PCDHGA3: variants seen among roughly 807,000 people sequenced by gnomAD.
PCDHGA3 encodes the protein protocadherin gamma subfamily A, 3, also known as protocadherin gamma-A3.
PCDHGA3 carries 40 observed loss-of-function variants against 58.5 expected under a neutral mutation model. The ratio of observed to expected loss-of-function variants is 0.68; its 90% confidence interval spans 0.53 to 0.89. The LOEUF is 0.89. PCDHGA3 is among the 40% of genes least tolerant of loss of function. PCDHGA3 has a pLI of 0.00. For missense variants in PCDHGA3, 1,223 were observed against 1,195.9 expected (o/e 1.02, Z -0.33); for synonymous variants, 530 against 525.7 (o/e 1.01, Z -0.11).
chr5:141,356,122 G>T (rs1760114897), intron 1 of PCDHGA3: 2 of 1,613,886 alleles, frequency 1.2e-6, no homozygotes, highest in Non-Finnish European at 1.7e-6. Flanking sequence ...GGGGGGTCTA[G>T]ATTATGAGGA....
intron 3 of PCDHGA3, among the ~76,000 whole-genome samples, chr5:141,509,781 T>TCATC (rs1198131164): frequency 6.6e-6 from 1 of 152,116 alleles, no homozygotes; most frequent in Non-Finnish European, 1.5e-5. Flanking sequence ...GTCCCCGAGA[T>TCATC]CATCATCTCC....
At chr5:141,433,257 G>A (rs764036349) in intron 1 of PCDHGA3, 4 of 1,385,412 alleles carry the variant, frequency 2.9e-6, no homozygotes, top group Non-Finnish European at 4.0e-6. Context: ...GCAGCGGTAC[G>A]ATCATAGCTC....
In PCDHGA3 at chr5:141,489,515, G is replaced by A. The variant is rs983415025; in HGVS notation, c.2425-5292G>A. On this transcript the variant is annotated intron_variant, in intron 1 of 3. Coordinates refer to ENST00000253812, the MANE Select transcript of PCDHGA3 (RefSeq NM_018916.4). The surrounding 1 kb of genome is among the most constrained non-coding windows in gnomAD (Gnocchi z 4.5). ...CTGGCAGTGAATCAAAAGATTGACC[G>A]AGAAAGCCTATGTGGAGCCAGCACC... 2 of 1,614,104 alleles carry A rather than the reference G, an allele frequency of 1.2e-6. No homozygotes were observed. Among genetic ancestry groups the A allele is most frequent in the Non-Finnish European group, 8.5e-7 (1 of 1,180,034 alleles).
intron 1 of PCDHGA3, chr5:141,383,358 G>C (rs773383689): frequency 8.7e-6 from 14 of 1,613,864 alleles, no homozygotes; most frequent in Middle Eastern, 1.6e-4. Context: ...TTCGGTTTCC[G>C]TTAAGCGAGG....
At chr5:141,482,943 G>T (rs2099574928) in intron 1 of PCDHGA3, among the ~76,000 whole-genome samples, 1 of 152,086 alleles carries the variant, frequency 6.6e-6, no homozygotes, top group Non-Finnish European at 1.5e-5. Context: ...TGTGGTTGTG[G>T]GTGCCTGTAA....
chr5:141,355,192 G>T, intron 1 of PCDHGA3: 1 of 1,592,970 alleles, frequency 6.3e-7, no homozygotes, highest in South Asian at 1.1e-5. Context: ...ACTCCGCGGC[G>T]GGGTTGTAAT....
Position 141,487,278 on chromosome 5 carries a change from T to G in PCDHGA3, c.2425-7529T>G. 6 of 1,614,180 alleles carry G rather than the reference T, an allele frequency of 3.7e-6. No individual in the cohort carries two copies. Among genetic ancestry groups the G allele is most frequent in the Non-Finnish European group, 5.1e-6 (6 of 1,180,040 alleles). On this transcript the variant is annotated intron_variant, in intron 1 of 3. Coordinates refer to ENST00000253812, the MANE Select transcript of PCDHGA3 (RefSeq NM_018916.4). The surrounding 1 kb of genome is among the most constrained non-coding windows in gnomAD (Gnocchi z 5.0). Reference sequence around the variant, plus strand: ...GCTGTGTCCCTAGTGGCAATTTGCTTTGTCTCCTTTGGCTCATTCGTGGCA... The same window carrying G: ...GCTGTGTCCCTAGTGGCAATTTGCTGTGTCTCCTTTGGCTCATTCGTGGCA...
At position 141,344,858 on chromosome 5, in the gene PCDHGA3, T is replaced by G; in HGVS notation, c.825T>G (p.Ala275=). ...NATDPDEGFN[A]QVSYILDKMP... Reference sequence around the variant, plus strand: ...CTGACCCTGACGAGGGATTCAATGCTCAAGTGTCTTATATTCTAGATAAAA... The same window carrying G: ...CTGACCCTGACGAGGGATTCAATGCGCAAGTGTCTTATATTCTAGATAAAA... The change falls in exon 1 of 4, where the codon GCT becomes GCG. Residue 275 remains alanine, a synonymous_variant. Coordinates refer to ENST00000253812, the MANE Select transcript of PCDHGA3 (RefSeq NM_018916.4). The G allele has an allele frequency of 6.2e-7, 1 of 1,613,958 alleles. No homozygotes were observed. The highest frequency in any genetic ancestry group is 8.5e-7 in the Non-Finnish European group (1 of 1,179,878).
Position 141,431,740 on chromosome 5 carries a change from T to C in PCDHGA3, c.2425-63067T>C. 6.2e-7 allele frequency: 1 copy of C among 1,614,230 alleles called. No individual in the cohort carries two copies. Among genetic ancestry groups the C allele is most frequent in the South Asian group, 1.1e-5 (1 of 91,088 alleles). On this transcript the variant is annotated intron_variant, in intron 1 of 3. Transcript: ENST00000253812. This position sits in a 1 kb window ranked among gnomAD's most constrained non-coding sequence, Gnocchi z 4.8. ...TGCAAGCAATGGATAATGCAGGATA[T>C]TCTGCGCGAGCCAAAGTCCTGATCA... is the stretch of plus-strand genomic sequence containing the variant.
chr5:141,376,252 C>G (rs756828511), intron 1 of PCDHGA3: 1 of 1,614,248 alleles, frequency 6.2e-7, no homozygotes, highest in Non-Finnish European at 8.5e-7. Context: ...ACAAGTCACG[C>G]CTGCTGCAGG....
chr5:141,476,055 GT>G lies in PCDHGA3; in HGVS notation c.2425-18749del. 6.7e-7 allele frequency: 1 copy of G among 1,503,516 alleles called. No homozygotes were observed. Among genetic ancestry groups the G allele is most frequent in the South Asian group, 1.3e-5 (1 of 75,386 alleles). The allele number at this position is 1,503,516 out of a possible 1,614,324, so 93.1% of individuals were successfully genotyped here. ...GCGCCCAAGCGCTAACCCGCTGAAA[GT>G]TTCTCAGCGAAATCTCAGGGACGAT... On this transcript the variant is annotated intron_variant, in intron 1 of 3. Transcript: ENST00000253812. The surrounding 1 kb of genome is among the most constrained non-coding windows in gnomAD (Gnocchi z 7.6).
In PCDHGA3 at chr5:141,356,944, G is replaced by T. The variant is rs368136545; in HGVS notation, c.2424+10487G>T. The stretch of plus-strand genomic sequence containing the variant: ...TGGTGTGGAGCTGGCACCCCGCTCC[G>T]CAGATTCCGGCTACCTGGTGACCAA... On this transcript the variant is annotated intron_variant, in intron 1 of 3. Coordinates refer to ENST00000253812, the MANE Select transcript of PCDHGA3 (RefSeq NM_018916.4). The T allele has an allele frequency of 1.1e-5, 17 of 1,614,090 alleles. No individual in the cohort carries two copies. In the African/African-American group the frequency reaches 2.3e-4, roughly 22 times the overall value.
In PCDHGA3 at chr5:141,357,565, G is replaced by A. The variant is rs766473131; in HGVS notation, c.2424+11108G>A. The A allele has an allele frequency of 1.1e-5, 17 of 1,614,184 alleles. No individual in the cohort carries two copies. In the Admixed American group the frequency reaches 2.5e-4, roughly 24 times the overall value. Reference sequence around the variant, plus strand: ...CAGCCGGGAGAGTTGTGAGAAAAGCGAGCCTCTTCTGATAACTCAGGATTT... The same window carrying A: ...CAGCCGGGAGAGTTGTGAGAAAAGCAAGCCTCTTCTGATAACTCAGGATTT... On this transcript the variant is annotated intron_variant, in intron 1 of 3. Transcript: ENST00000253812.
At position 141,487,636 on chromosome 5, in the gene PCDHGA3, A is replaced by G. The variant is rs780468230; in HGVS notation, c.2425-7171A>G. 3 of 1,614,192 alleles carry G rather than the reference A, an allele frequency of 1.9e-6. No homozygotes were observed. Among genetic ancestry groups the G allele is most frequent in the Non-Finnish European group, 1.7e-6 (2 of 1,180,030 alleles). Reference sequence around the variant, plus strand: ...TAGAGGTGAGACCTTTGCAGGCTCAACAAATGCTTGAGGGTTATTCTGATC... The same window carrying G: ...TAGAGGTGAGACCTTTGCAGGCTCAGCAAATGCTTGAGGGTTATTCTGATC... On this transcript the variant is annotated intron_variant, in intron 1 of 3. Transcript: ENST00000253812. This position sits in a 1 kb window ranked among gnomAD's most constrained non-coding sequence, Gnocchi z 5.0.
chr5:141,392,783 G>T, intron 1 of PCDHGA3: 1 of 1,542,922 alleles, frequency 6.5e-7, no homozygotes, highest in Admixed American at 2.1e-5. Flanking sequence ...GCACAGTGAA[G>T]ATTCTGAGAG....
intron 1 of PCDHGA3, chr5:141,374,052 T>C (rs1770060748): frequency 1.4e-6 from 2 of 1,478,038 alleles, no homozygotes; most frequent in Non-Finnish European, 9.0e-7. Flanking sequence ...CTTCCTCTTC[T>C]TAATCCCAGA....
intron 1 of PCDHGA3, chr5:141,403,552 G>A (rs1228068556): frequency 1.2e-6 from 2 of 1,613,892 alleles, no homozygotes; most frequent in African/African-American, 1.3e-5. Flanking sequence ...AGCGCGCCCT[G>A]GACAGGGAGG....
At chr5:141,504,452 T>C (rs1208972630) in intron 2 of PCDHGA3, among the ~76,000 whole-genome samples, 1 of 152,060 alleles carries the variant, frequency 6.6e-6, no homozygotes, top group Non-Finnish European at 1.5e-5. Flanking sequence ...TAGTGCCATG[T>C]GGGGCAGCCG....
intron 1 of PCDHGA3, chr5:141,362,779 T>G (rs1588580747): frequency 3.3e-6 from 2 of 601,870 alleles, no homozygotes; most frequent in East Asian, 5.9e-5. Flanking sequence ...TTGCACTGTA[T>G]TTCTTTTTCT....
Sources: gnomAD v4.1 joint callset for allele counts (sites outside exome capture counted in the v4.1 genomes callset) on GRCh38, gnomAD v4.1.1 for gene constraint, Gnocchi (gnomAD v3.1) non-coding constraint, MANE v1.5 for transcripts, NCBI Gene and HGNC (gene_info 2026-07-23, HGNC 2026-07-21) for gene names.